The following ZNF407 variants were observed in gnomAD, a reference collection of about 807,000 sequenced individuals.
ZNF407 encodes zinc finger protein 407.
A neutral mutation model predicts 131.2 loss-of-function variants in ZNF407; 17 were observed. That is an observed-to-expected ratio of 0.13 (90% CI 0.09 to 0.19). The LOEUF is 0.19. Ranked by LOEUF, ZNF407 falls within the 10% of genes least tolerant of loss-of-function variation. ZNF407 has a pLI of 1.00. For synonymous variants in ZNF407, 1,156 were observed against 1,062.0 expected, an observed-to-expected ratio of 1.09 and a Z score of -1.72; for missense variants, 2,681 against 2,830.6, an observed-to-expected ratio of 0.95 and a Z score of 1.20.
At chr18:74,618,926 T>C (rs1015735970) in intron 1 of ZNF407, among the ~76,000 whole-genome samples, 2 of 152,240 alleles carry the variant, frequency 1.3e-5, no homozygotes, top group South Asian at 2.1e-4. Flanking sequence ...TTTTATATCA[T>C]ATGTTAGCTT....
intron 3 of ZNF407, among the ~76,000 whole-genome samples, chr18:74,742,268 C>T (rs555315): frequency 0.96 from 145,656 of 152,232 alleles, 70,009 homozygotes; most frequent in East Asian, 1. Context: ...CTTCCTGTAA[C>T]ATTTAAGAGG....
At chr18:74,641,166 T>A (rs778262371) in intron 3 of ZNF407, 44 bp downstream of exon 3, 4 of 1,467,692 alleles carry the variant, frequency 2.7e-6, no homozygotes, top group East Asian at 2.3e-5. Context: ...CCAGGAAGCA[T>A]GTGCAGGATA....
intron 1 of ZNF407, among the ~76,000 whole-genome samples, chr18:74,623,017 AGTTGGTGTGTGAGTGCATGT>A (rs1225672059): frequency 1.2e-4 from 17 of 139,800 alleles, no homozygotes; most frequent in African/African-American, 4.4e-4. Context: ...TCTGAATGTG[AGTTGGTGTGTGAGTGCATGT>A]GTGTGTGAAT....
chr18:74,741,477 C>G (rs749005895), intron 3 of ZNF407, among the ~76,000 whole-genome samples: 12 of 151,994 alleles, frequency 7.9e-5, no homozygotes, highest in Non-Finnish European at 1.3e-4. Context: ...TTGGACTAGA[C>G]TGTAATGAAA....
At chr18:74,788,488 A>G (rs8099493) in intron 4 of ZNF407, among the ~76,000 whole-genome samples, 119,995 of 151,772 alleles carry the variant, frequency 0.79, 47,688 homozygotes, top group East Asian at 0.99. Flanking sequence ...AGTTTGCTGA[A>G]CAGACCCAGT....
At chr18:74,848,975 A>T (rs1970739811) in intron 4 of ZNF407, among the ~76,000 whole-genome samples, 1 of 151,976 alleles carries the variant, frequency 6.6e-6, no homozygotes, top group African/African-American at 2.4e-5. Context: ...TGAAGTGGCA[A>T]ACCATGGATT....
chr18:75,014,049 C>T (rs577550156), intron 8 of ZNF407, among the ~76,000 whole-genome samples: 26 of 152,160 alleles, frequency 1.7e-4, no homozygotes, highest in African/African-American at 6.0e-4. Flanking sequence ...CATGTAACTG[C>T]TACCAAATGA....
At chr18:74,669,794 G>T (rs947232344) in intron 3 of ZNF407, among the ~76,000 whole-genome samples, 1 of 152,146 alleles carries the variant, frequency 6.6e-6, no homozygotes, top group Admixed American at 6.5e-5. Flanking sequence ...TTTTCAGAAC[G>T]CTCCTTGTGG....
chr18:74,785,883 C>T (rs1181491446), intron 4 of ZNF407, among the ~76,000 whole-genome samples: 2 of 151,304 alleles, frequency 1.3e-5, no homozygotes, highest in African/African-American at 4.9e-5. Flanking sequence ...TCACATGGCA[C>T]GCACATGGCA....
intron 7 of ZNF407, chr18:74,905,844 C>G (rs556731057): frequency 6.6e-6 from 1 of 152,198 alleles, no homozygotes. Context: ...GATCCAGAAA[C>G]TCTCCAACTA....
chr18:75,023,001 T>C (rs1044379287), intron 8 of ZNF407, among the ~76,000 whole-genome samples: 5 of 152,152 alleles, frequency 3.3e-5, no homozygotes, highest in African/African-American at 1.2e-4. Context: ...TATGCAGCCA[T>C]GAAACGAACG....
chr18:74,820,073 G>A (rs1469606622), intron 4 of ZNF407, among the ~76,000 whole-genome samples: 1 of 152,232 alleles, frequency 6.6e-6, no homozygotes, highest in African/African-American at 2.4e-5. Context: ...TCAGGATAAT[G>A]AAGACAGTGG....
At chr18:74,778,405 A>G (rs1969518842) in intron 3 of ZNF407, among the ~76,000 whole-genome samples, 1 of 151,842 alleles carries the variant, frequency 6.6e-6, no homozygotes, top group African/African-American at 2.4e-5. Context: ...TGGAATTTCA[A>G]CCCCTTGCTG....
intron 3 of ZNF407, among the ~76,000 whole-genome samples, chr18:74,645,981 A>G (rs1984957143): frequency 6.6e-6 from 1 of 152,212 alleles, no homozygotes; most frequent in Non-Finnish European, 1.5e-5. Flanking sequence ...CAAGTCATTT[A>G]TTTGTGTTGA....
chr18:74,906,596 A>G (rs1971598081), intron 7 of ZNF407, among the ~76,000 whole-genome samples: 1 of 152,234 alleles, frequency 6.6e-6, no homozygotes, highest in Admixed American at 6.5e-5. Context: ...GGACTTGGAA[A>G]TCCTTCAATA....
intron 8 of ZNF407, among the ~76,000 whole-genome samples, chr18:75,039,718 C>CTTTTT (rs36086764): frequency 1.8e-4 from 20 of 111,894 alleles, no homozygotes; most frequent in Non-Finnish European, 2.2e-4. Flanking sequence ...AGGGGCCAAG[C>CTTTTT]TTTTTTTTTT....
At chr18:74,836,935 G>A (rs1204473697) in intron 4 of ZNF407, among the ~76,000 whole-genome samples, 3 of 152,076 alleles carry the variant, frequency 2.0e-5, no homozygotes, top group Non-Finnish European at 4.4e-5. Flanking sequence ...ATTTGGGATC[G>A]AAGATCAGTG....
intron 4 of ZNF407, among the ~76,000 whole-genome samples, chr18:74,813,798 G>GC (rs1456714519): frequency 1.3e-5 from 2 of 152,096 alleles, no homozygotes; most frequent in Non-Finnish European, 1.5e-5. Flanking sequence ...TGTAATTAAT[G>GC]CCCCCTTTTT....
At chr18:74,638,948 T>G (rs1213242187) in intron 2 of ZNF407, among the ~76,000 whole-genome samples, 1 of 152,054 alleles carries the variant, frequency 6.6e-6, no homozygotes, top group Non-Finnish European at 1.5e-5. Context: ...AAGTATTACC[T>G]CTGCTAGTAT....
Sources: gnomAD v4.1 joint callset for allele counts (sites outside exome capture counted in the v4.1 genomes callset) on GRCh38, gnomAD v4.1.1 for gene constraint, MANE v1.5 for transcripts, NCBI Gene and HGNC (gene_info 2026-07-23, HGNC 2026-07-21) for gene names.